Variants in MARCHF1 observed in about 807,000 individuals in gnomAD.
MARCHF1 encodes E3 ubiquitin-protein ligase MARCHF1.
Under a neutral mutation model 54.2 loss-of-function variants are expected in MARCHF1, and 40 were observed. The observed-to-expected ratio is 0.74, with a 90% confidence interval of 0.57 to 0.96. MARCHF1 has a LOEUF of 0.96. Ranked by LOEUF, MARCHF1 falls within the 40% of genes least tolerant of loss-of-function variation. The probability of loss-of-function intolerance (pLI) is 0.00; values close to 1 mark genes in which losing one functional copy is unlikely to be tolerated. For missense variants in MARCHF1, 586 were observed against 656.5 expected, an observed-to-expected ratio of 0.89 and a Z score of 1.17; for synonymous variants, 236 against 236.3, an observed-to-expected ratio of 1.00 and a Z score of 0.01.
chr4:163,820,427 G>C (rs554890454), intron 4 of MARCHF1, among the ~76,000 whole-genome samples: 6 of 151,824 alleles, frequency 4.0e-5, no homozygotes, highest in Admixed American at 1.3e-4. Flanking sequence ...CTTTTTTCTT[G>C]GCCTTTTCTT....
chr4:164,138,027 T>C (rs1756437197), intron 1 of MARCHF1, among the ~76,000 whole-genome samples: 1 of 152,140 alleles, frequency 6.6e-6, no homozygotes, highest in African/African-American at 2.4e-5. Context: ...TGTTTCTCAC[T>C]GTAGTAATGA....
intron 5 of MARCHF1, among the ~76,000 whole-genome samples, chr4:163,649,946 T>C (rs1460479455): frequency 1.3e-5 from 2 of 152,010 alleles, no homozygotes; most frequent in African/African-American, 4.8e-5. Context: ...AGGTGATTTC[T>C]GACTCAGCAA....
At chr4:164,242,869 A>G (rs1050389447) in intron 1 of MARCHF1, among the ~76,000 whole-genome samples, 1 of 150,198 alleles carries the variant, frequency 6.7e-6, no homozygotes, top group Non-Finnish European at 1.5e-5. Flanking sequence ...ACTGGAAGAA[A>G]GGGTATCAGC....
intron 1 of MARCHF1, among the ~76,000 whole-genome samples, chr4:164,339,614 A>G (rs891130512): frequency 1.3e-5 from 2 of 152,158 alleles, no homozygotes; most frequent in East Asian, 1.9e-4. Flanking sequence ...CTACATGAAT[A>G]AAAAAGAAAG....
chr4:163,801,403 T>C (rs1030503037), intron 4 of MARCHF1, among the ~76,000 whole-genome samples: 3 of 152,068 alleles, frequency 2.0e-5, no homozygotes, highest in African/African-American at 7.2e-5. Context: ...TAGACACCTA[T>C]CTACAAGTTT....
intron 8 of MARCHF1, among the ~76,000 whole-genome samples, chr4:163,566,223 A>G (rs1483770396): frequency 6.6e-6 from 1 of 152,222 alleles, no homozygotes; most frequent in Non-Finnish European, 1.5e-5. Flanking sequence ...TTCATTTTCA[A>G]CACTGTCGCA....
intron 1 of MARCHF1, among the ~76,000 whole-genome samples, chr4:164,320,574 G>A (rs914621433): frequency 6.6e-6 from 1 of 152,046 alleles, no homozygotes; most frequent in African/African-American, 2.4e-5. Flanking sequence ...CCACACCTAC[G>A]AATGTATAGC....
intron 4 of MARCHF1, among the ~76,000 whole-genome samples, chr4:163,780,479 T>G (rs1747431467): frequency 6.6e-6 from 1 of 152,222 alleles, no homozygotes; most frequent in African/African-American, 2.4e-5. Context: ...TTTTGGATAT[T>G]AGATAGCTCT....
intron 2 of MARCHF1, among the ~76,000 whole-genome samples, chr4:164,030,604 T>C (rs1004899555): frequency 3.3e-5 from 5 of 152,210 alleles, no homozygotes; most frequent in African/African-American, 1.2e-4. Context: ...AACTTTGTGC[T>C]ATGTCTGCTG....
At chr4:163,609,519 C>G (rs1741253986) in intron 7 of MARCHF1, among the ~76,000 whole-genome samples, 1 of 151,870 alleles carries the variant, frequency 6.6e-6, no homozygotes, top group South Asian at 2.1e-4. Flanking sequence ...AGTTCCATCT[C>G]CTAAATCTAG....
intron 1 of MARCHF1, among the ~76,000 whole-genome samples, chr4:164,317,441 G>A (rs1192340627): frequency 6.6e-6 from 1 of 152,160 alleles, no homozygotes; most frequent in East Asian, 1.9e-4. Context: ...GAGGACAATT[G>A]CTTTCTTCAC....
At chr4:163,820,051 C>A (rs913087369) in intron 4 of MARCHF1, among the ~76,000 whole-genome samples, 9 of 151,948 alleles carry the variant, frequency 5.9e-5, no homozygotes, top group Admixed American at 3.3e-4. Context: ...CCAGCGAATG[C>A]CTTCTTTCTT....
intron 1 of MARCHF1, chr4:164,188,697 C>G: frequency 9.2e-7 from 1 of 1,082,382 alleles, no homozygotes; most frequent in South Asian, 1.2e-5. Flanking sequence ...AACGACCTGT[C>G]TATGCAGCAG....
intron 5 of MARCHF1, among the ~76,000 whole-genome samples, chr4:163,633,360 A>C (rs577509267): frequency 6.6e-6 from 1 of 152,268 alleles, no homozygotes; most frequent in East Asian, 1.9e-4. Context: ...AAAATTTAGA[A>C]GAATGTATAA....
intron 3 of MARCHF1, among the ~76,000 whole-genome samples, chr4:163,930,440 T>G (rs575416088): frequency 6.6e-6 from 1 of 150,720 alleles, no homozygotes; most frequent in South Asian, 2.1e-4. Context: ...CTTAGGAGTT[T>G]GGAAAAAGGA....
At chr4:163,942,969 T>C (rs1336613810) in intron 3 of MARCHF1, among the ~76,000 whole-genome samples, 2 of 152,172 alleles carry the variant, frequency 1.3e-5, no homozygotes, top group Non-Finnish European at 2.9e-5. Context: ...ACACTAGTTT[T>C]TTGTTGTTGT....
chr4:164,339,729 GAAAT>G (rs894929652), intron 1 of MARCHF1, among the ~76,000 whole-genome samples: 59 of 152,114 alleles, frequency 3.9e-4, no homozygotes, highest in Admixed American at 2.6e-3. Context: ...GATCAGAAGA[GAAAT>G]AAATAGACAC....
chr4:163,533,149 T>TAA (rs146981297), intron 9 of MARCHF1, among the ~76,000 whole-genome samples: 7,325 of 152,076 alleles, frequency 0.048, 257 homozygotes, highest in Middle Eastern at 0.092. Context: ...TACATCCATG[T>TAA]AATGGAGTAT....
chr4:164,151,760 A>G (rs1400075405), intron 1 of MARCHF1, among the ~76,000 whole-genome samples: 1 of 152,084 alleles, frequency 6.6e-6, no homozygotes, highest in African/African-American at 2.4e-5. Context: ...AATTAAAAGT[A>G]TTTCTTTCTA....
Sources: gnomAD v4.1 joint callset for allele counts (sites outside exome capture counted in the v4.1 genomes callset) on GRCh38, gnomAD v4.1.1 for gene constraint, MANE v1.5 for transcripts, NCBI Gene and HGNC (gene_info 2026-07-23, HGNC 2026-07-21) for gene names.